Variants in DLG1 observed in about 807,000 individuals in gnomAD.
The protein encoded by DLG1 is disks large homolog 1.
DLG1 carries 42 observed loss-of-function variants against 123.4 expected under a neutral mutation model. That is an observed-to-expected ratio of 0.34 (90% CI 0.27 to 0.44). The LOEUF is 0.44. Ranked by LOEUF, DLG1 falls within the 20% of genes least tolerant of loss-of-function variation. The probability of loss-of-function intolerance (pLI) is 1.00; values close to 1 mark genes in which losing one functional copy is unlikely to be tolerated. For synonymous variants in DLG1, 317 were observed against 356.2 expected, an observed-to-expected ratio of 0.89 and a Z score of 1.24; for missense variants, 942 against 1,082.6, an observed-to-expected ratio of 0.87 and a Z score of 1.82.
Position 197,152,897 on chromosome 3 carries a change from G to A in DLG1, c.484-3101C>T, listed in dbSNP as rs551018092. On this transcript the variant is annotated intron_variant, in intron 5 of 24. Coordinates refer to ENST00000667157, the MANE Select transcript of DLG1 (RefSeq NM_001366207.1). ...TAACAGACTGAAGCAGCCTTACAAA[G>A]TTTCAGAGGGCAATATTACATTTTT... 4.6e-5 allele frequency among the ~76,000 whole-genome samples: 7 copies of A among 151,400 alleles called. No individual in the cohort carries two copies. In the East Asian group the frequency reaches 1.2e-3, roughly 25 times the overall value.
rs1000728477 is a variant in DLG1 at position 197,209,709 on chromosome 3, T to C, written c.319-15120A>G. ...GGAATTAACTGAGAAACAAGGTATC[T>C]AGTAAAATTCCTAATATTTGAACAT... On this transcript the variant is annotated intron_variant, in intron 4 of 24. Coordinates refer to ENST00000667157, the MANE Select transcript of DLG1 (RefSeq NM_001366207.1). Among the ~76,000 whole-genome samples the C allele has an allele frequency of 7.5e-5, 11 of 146,742 alleles. 2 individuals carry two copies. The highest frequency in any genetic ancestry group is 2.7e-4 in the Admixed American group (4 of 14,614).
intron 4 of DLG1, among the ~76,000 whole-genome samples, chr3:197,214,164 T>C (rs1346882261): frequency 6.6e-6 from 1 of 151,986 alleles, no homozygotes; most frequent in Non-Finnish European, 1.5e-5. Flanking sequence ...TGGGGAAAAA[T>C]ATAAGGATTC....
chr3:197,184,959 C>A (rs187230658), intron 5 of DLG1, among the ~76,000 whole-genome samples: 34 of 152,232 alleles, frequency 2.2e-4, no homozygotes, highest in African/African-American at 7.9e-4. Context: ...TGTTTACGGG[C>A]AGGGGGAACC....
rs998586307 is a variant in DLG1, at chr3:197,076,012, A to G, written c.2005+574T>C. On this transcript the variant is annotated intron_variant, in intron 18 of 24. Coordinates refer to ENST00000667157, the MANE Select transcript of DLG1 (RefSeq NM_001366207.1). ...CATATATCTTACAGAGCATTTTTAC[A>G]TATTTCTAGAACTTTGAAATGAGCT... 1.9e-5 allele frequency: 10 copies of G among 533,972 alleles called. No individual in the cohort carries two copies. In the East Asian group the frequency reaches 2.0e-4, roughly 11 times the overall value. The allele number at this position is 533,972 out of a possible 1,614,324, so 33.1% of individuals were successfully genotyped here. A position where few individuals can be genotyped will look rare whatever the true frequency, so the allele number is the denominator to read the frequency against.
chr3:197,059,846 T>C lies in DLG1; in HGVS notation c.2483+43A>G, dbSNP rs772895653. 40 of 1,352,616 alleles carry C rather than the reference T, an allele frequency of 3.0e-5. No homozygotes were observed. The Middle Eastern group carries it at 5.5e-4, about 19-fold the overall frequency. The allele number at this position is 1,352,616 out of a possible 1,614,324, so 83.8% of individuals were successfully genotyped here. On this transcript the variant is annotated intron_variant, in intron 23 of 24. Transcript: ENST00000667157. ...AGTAAATAAATTACCCTACAGTGAC[T>C]GAATTTGTACACAGAGGCTATGCCT...
chr3:197,120,777 T>C (rs74496045), intron 11 of DLG1, among the ~76,000 whole-genome samples: 6,146 of 152,310 alleles, frequency 0.04, 178 homozygotes, highest in Non-Finnish European at 0.054. Flanking sequence ...AGTGTATCTA[T>C]TGATATTACA....
At chr3:197,270,903 A>AT (rs1763647376) in intron 4 of DLG1, among the ~76,000 whole-genome samples, 1 of 152,262 alleles carries the variant, frequency 6.6e-6, no homozygotes, top group Non-Finnish European at 1.5e-5. Flanking sequence ...GATTAGTGGA[A>AT]TGAGTTAAAT....
At chr3:197,184,883 T>C (rs545544815) in intron 5 of DLG1, among the ~76,000 whole-genome samples, 4 of 152,206 alleles carry the variant, frequency 2.6e-5, no homozygotes, top group Non-Finnish European at 5.9e-5. Flanking sequence ...AACATAATAG[T>C]TCGCCTGAGA....
At chr3:197,212,005 C>T (rs1421685145) in intron 4 of DLG1, among the ~76,000 whole-genome samples, 1 of 146,302 alleles carries the variant, frequency 6.8e-6, no homozygotes, top group African/African-American at 2.4e-5. Flanking sequence ...AAACCAAATA[C>T]TGAATGTTCT....
At chr3:197,065,243 G>C in intron 22 of DLG1, 33 bp downstream of exon 22, 1 of 1,562,602 alleles carries the variant, frequency 6.4e-7, no homozygotes, top group Non-Finnish European at 8.6e-7. Flanking sequence ...TATCTGATTA[G>C]AAGCTATATT....
chr3:197,046,339 T>G (rs1723035810), intron 24 of DLG1, among the ~76,000 whole-genome samples: 1 of 152,198 alleles, frequency 6.6e-6, no homozygotes, highest in South Asian at 2.1e-4. Flanking sequence ...GTAAATTCAT[T>G]AATGGAATGG....
intron 21 of DLG1, 27 bp downstream of exon 21, chr3:197,065,681 T>C (rs1739030461): frequency 1.4e-6 from 2 of 1,462,218 alleles, no homozygotes; most frequent in African/African-American, 1.4e-5. Flanking sequence ...AGAGTAACAA[T>C]TAAATGTTTT....
chr3:197,222,414 C>T (rs1737612070), intron 4 of DLG1, among the ~76,000 whole-genome samples: 2 of 152,132 alleles, frequency 1.3e-5, no homozygotes, highest in Non-Finnish European at 2.9e-5. Flanking sequence ...AATAGGGGTC[C>T]ATTTGTTTAA....
At chr3:197,184,082 T>C (rs1714278016) in intron 5 of DLG1, 1 of 1,204,648 alleles carries the variant, frequency 8.3e-7, no homozygotes, top group Non-Finnish European at 1.0e-6. Flanking sequence ...TCATGATTAT[T>C]TTTTCACCAG....
chr3:197,110,975 T>C (rs1048174927), intron 13 of DLG1, among the ~76,000 whole-genome samples: 2 of 152,162 alleles, frequency 1.3e-5, no homozygotes, highest in African/African-American at 4.8e-5. Context: ...AACATGTGTG[T>C]GGCCTTCTGG....
chr3:197,050,226 G>T (rs1332698319), intron 24 of DLG1, among the ~76,000 whole-genome samples: 3 of 152,016 alleles, frequency 2.0e-5, no homozygotes, highest in African/African-American at 7.2e-5. Flanking sequence ...AATTAGCTGG[G>T]CGTGGTGGCA....
chr3:197,128,010 G>A (rs1211661217), intron 11 of DLG1, among the ~76,000 whole-genome samples: 1 of 152,188 alleles, frequency 6.6e-6, no homozygotes, highest in African/African-American at 2.4e-5. Flanking sequence ...CCTTGATACT[G>A]AGGGTGGTAG....
At chr3:197,179,042 C>T (rs886594939) in intron 5 of DLG1, among the ~76,000 whole-genome samples, 2 of 152,028 alleles carry the variant, frequency 1.3e-5, no homozygotes, top group African/African-American at 4.8e-5. Context: ...AAGCTTTAGG[C>T]ACACAGTTCA....
At position 197,177,109 on chromosome 3, in the gene DLG1, C is replaced by T. The variant is rs189940964; in HGVS notation, c.483+17316G>A. On this transcript the variant is annotated intron_variant, in intron 5 of 24. Transcript: ENST00000667157. ...AGAAAAACAGAAACATAAAATAGAT[C>T]CTACAATATTTTTTGTGTCAAAGGG... Among the ~76,000 whole-genome samples the T allele has an allele frequency of 2.3e-4, 35 of 152,034 alleles. No individual in the cohort carries two copies. In the East Asian group the frequency reaches 6.4e-3, roughly 28 times the overall value.
Sources: allele counts gnomAD v4.1 joint callset (sites outside exome capture counted in the v4.1 genomes callset), GRCh38; gene constraint gnomAD v4.1.1; transcripts MANE v1.5; gene names NCBI Gene and HGNC (gene_info 2026-07-23, HGNC 2026-07-21).